Variants in CNKSR3 observed in about 807,000 individuals in gnomAD.
CNKSR3 encodes the protein connector enhancer of kinase suppressor of ras 3.
Under a neutral mutation model 67.7 loss-of-function variants are expected in CNKSR3, and 36 were observed. That is an observed-to-expected ratio of 0.53 (90% CI 0.41 to 0.70). The LOEUF (loss-of-function observed/expected upper bound fraction) is 0.70. Ranked by LOEUF, CNKSR3 falls within the 30% of genes least tolerant of loss-of-function variation. The pLI is 0.00. For synonymous variants in CNKSR3, 281 were observed against 271.4 expected (o/e 1.04, Z -0.35); for missense variants, 630 against 695.2 (o/e 0.91, Z 1.05).
intron 1 of CNKSR3, among the ~76,000 whole-genome samples, chr6:154,492,517 C>A (rs767811408): frequency 7.9e-5 from 12 of 152,020 alleles, no homozygotes; most frequent in Admixed American, 4.6e-4. Flanking sequence ...CTGAGATGGG[C>A]GGATCACTTG....
Position 154,411,091 on chromosome 6 carries a change from T to C in CNKSR3, c.1122A>G (p.Pro374=). 6.2e-7 allele frequency: 1 copy of C among 1,614,066 alleles called. No homozygotes were observed. Among genetic ancestry groups the C allele is most frequent in the South Asian group, 1.1e-5 (1 of 91,072 alleles). ...VYGGSSKCKQ[P]LPGPKGSESP... ...ACTCTGAACCCTTAGGACCAGGCAA[T>C]GGTTGTTTGCACTTACTGGACCCTC... The change falls in exon 11 of 13, where the codon CCA becomes CCG. Residue 374 remains proline, a synonymous_variant. Coordinates refer to ENST00000607772, the MANE Select transcript of CNKSR3 (RefSeq NM_173515.4).
chr6:154,418,179 C>T (rs1785060660), intron 9 of CNKSR3, among the ~76,000 whole-genome samples: 1 of 152,210 alleles, frequency 6.6e-6, no homozygotes, highest in African/African-American at 2.4e-5. Flanking sequence ...GCAGGGCCAC[C>T]AGAACCCGGA....
intron 4 of CNKSR3, among the ~76,000 whole-genome samples, chr6:154,439,097 G>T (rs1785530216): frequency 6.6e-6 from 1 of 152,154 alleles, no homozygotes; most frequent in Non-Finnish European, 1.5e-5. Flanking sequence ...TCTCAAGGAG[G>T]CGGCTCTAGG....
intron 1 of CNKSR3, among the ~76,000 whole-genome samples, chr6:154,494,967 T>A (rs1786849075): frequency 6.6e-6 from 1 of 152,250 alleles, no homozygotes; most frequent in South Asian, 2.1e-4. Context: ...ATTGACATGC[T>A]GTCCTGTAGG....
At chr6:154,482,228 T>C (rs146481374) in intron 1 of CNKSR3, among the ~76,000 whole-genome samples, 10 of 152,328 alleles carry the variant, frequency 6.6e-5, no homozygotes, top group East Asian at 1.9e-4. Context: ...CGCACTTTAA[T>C]ATAAGCCTGG....
intron 1 of CNKSR3, among the ~76,000 whole-genome samples, chr6:154,486,242 G>T (rs549089222): frequency 4.5e-4 from 68 of 151,590 alleles, no homozygotes; most frequent in African/African-American, 1.5e-3. Flanking sequence ...ATCACCCCTC[G>T]ACAGCATGAC....
At chr6:154,418,325 C>T (rs1785064345) in intron 9 of CNKSR3, among the ~76,000 whole-genome samples, 2 of 152,170 alleles carry the variant, frequency 1.3e-5, no homozygotes, top group African/African-American at 2.4e-5. Flanking sequence ...GGAGCACATA[C>T]CCTCAAAATT....
chr6:154,468,061 TTTTTTTTTTC>T (rs1418139128), intron 1 of CNKSR3, among the ~76,000 whole-genome samples: 4 of 96,866 alleles, frequency 4.1e-5, no homozygotes, highest in African/African-American at 2.0e-4. Context: ...CGCCTAGGCT[TTTTTTTTTTC>T]TTTTTTTTCT....
rs1787185047 is a variant in CNKSR3 at position 154,510,105 on chromosome 6, C to G, written c.10G>C (p.Val4Leu). 1.9e-6 allele frequency: 3 copies of G among 1,614,162 alleles called. No individual in the cohort carries two copies. Among genetic ancestry groups the G allele is most frequent in the Middle Eastern group, 1.7e-4 (1 of 6,060 alleles). The change falls in exon 1 of 13, where the codon GTG (valine) becomes CTG (leucine). Residue 4 changes from valine (V) to leucine (L), a missense_variant. By Grantham distance (32) the Val-to-Leu change is conservative. Around this residue, in one of 3 missense-constraint regions of CNKSR3, gnomAD observed 189 missense variants for 205.0 expected, o/e 0.92. Transcript: ENST00000607772. ...ACTTGTTTGGGGCTCCACTTGGTCA[C>G]GGGTTCCATGGTAAACCGCTTCGCC... is the stretch of plus-strand genomic sequence containing the variant. Reference protein sequence around the residue: MEPVTKWSPKQVVD... With the variant: MEPLTKWSPKQVVD...
In CNKSR3 at chr6:154,414,634, T is replaced by C. The variant is rs1447461787; in HGVS notation, c.946-211A>G. 9 of 637,722 alleles carry C rather than the reference T, an allele frequency of 1.4e-5. No homozygotes were observed. The East Asian group carries it at 3.1e-4, about 22-fold the overall frequency. The allele number at this position is 637,722 out of a possible 1,614,324, so 39.5% of individuals were successfully genotyped here. Reference sequence around the variant, plus strand: ...GAGGGATTTGAATGACGATGTATAGTGGCAAGAAGCAGAGGCTTAGGAGCC... The same window carrying C: ...GAGGGATTTGAATGACGATGTATAGCGGCAAGAAGCAGAGGCTTAGGAGCC... On this transcript the variant is annotated intron_variant, in intron 9 of 12. Transcript: ENST00000607772.
chr6:154,425,724 A>G (rs1584070210), intron 7 of CNKSR3, among the ~76,000 whole-genome samples: 1 of 74,328 alleles, frequency 1.3e-5, no homozygotes, highest in Non-Finnish European at 2.9e-5. Flanking sequence ...TAACCTTCAA[A>G]GAAATGGACT....
At position 154,424,241 on chromosome 6, in the gene CNKSR3, AAAAAAAAGAAAAG is replaced by A. The variant is rs1307939688; in HGVS notation, c.730-1271_730-1259del. The stretch of plus-strand genomic sequence containing the variant: ...GCGAGACTCCGTCTCAAAAAAAAAA[AAAAAAAAGAAAAG>A]AAAAAAGAAATATAAAGGGATATAA... On this transcript the variant is annotated intron_variant, in intron 7 of 12. Transcript: ENST00000607772. Among the ~76,000 whole-genome samples, 3 of 148,210 alleles carry A rather than the reference AAAAAAAAGAAAAG, an allele frequency of 2.0e-5. No individual in the cohort carries two copies. In the East Asian group the frequency reaches 5.8e-4, roughly 28 times the overall value.
At chr6:154,418,270 C>T (rs556749775) in intron 9 of CNKSR3, among the ~76,000 whole-genome samples, 2 of 152,292 alleles carry the variant, frequency 1.3e-5, no homozygotes, top group East Asian at 3.9e-4. Flanking sequence ...CTTGCTGCCT[C>T]CCCGTCATCA....
In CNKSR3 at chr6:154,392,915, G is replaced by A. The variant is rs1176939940; in HGVS notation, c.*13439C>T. ...CTCTGAGGTAGTTAGTGGTTTGTTT[G>A]TTTGTTTGTTTGTTTGGAGATGGAG... is the stretch of plus-strand genomic sequence containing the variant. On this transcript the variant is annotated 3_prime_UTR_variant, in exon 13 of 13. Coordinates refer to ENST00000607772, the MANE Select transcript of CNKSR3 (RefSeq NM_173515.4). The A allele has an allele frequency of 2.6e-5, 4 of 152,372 alleles. No homozygotes were observed. Among genetic ancestry groups the A allele is most frequent in the Non-Finnish European group, 4.4e-5 (3 of 68,278 alleles). The allele number at this position is 152,372 out of a possible 1,614,324, so 9.4% of individuals were successfully genotyped here.
chr6:154,502,623 G>A (rs1787022370), intron 1 of CNKSR3, among the ~76,000 whole-genome samples: 1 of 152,092 alleles, frequency 6.6e-6, no homozygotes, highest in African/African-American at 2.4e-5. Flanking sequence ...TCTGGACCTT[G>A]GACAATTCAT....
At chr6:154,455,658 G>T (rs551692559) in intron 1 of CNKSR3, among the ~76,000 whole-genome samples, 1 of 152,180 alleles carries the variant, frequency 6.6e-6, no homozygotes, top group Admixed American at 6.5e-5. Flanking sequence ...CTGACCTCAA[G>T]CAATCCACCT....
rs527923982 is a variant in CNKSR3, at chr6:154,459,283, G to A, written c.53-9025C>T. 3.3e-5 allele frequency among the ~76,000 whole-genome samples: 5 copies of A among 152,022 alleles called. No individual in the cohort carries two copies. The South Asian group carries it at 6.3e-4, about 19-fold the overall frequency. The stretch of plus-strand genomic sequence containing the variant: ...GGAACTGCTGCTCCCTTGGAAGCAG[G>A]GGCCCTGTGAAATCCAAACACATAA... On this transcript the variant is annotated intron_variant, in intron 1 of 12. Transcript: ENST00000607772.
chr6:154,485,850 G>A (rs1786655248), intron 1 of CNKSR3, among the ~76,000 whole-genome samples: 2 of 152,192 alleles, frequency 1.3e-5, no homozygotes, highest in South Asian at 4.1e-4. Context: ...AGTGCTTATA[G>A]GAGCAGATCT....
At chr6:154,509,445 CGCCTCCCGGAGCAAAAGTCACT>C (rs1787168506) in intron 1 of CNKSR3, among the ~76,000 whole-genome samples, 1 of 152,212 alleles carries the variant, frequency 6.6e-6, no homozygotes, top group Non-Finnish European at 1.5e-5. Flanking sequence ...GGGATACTGG[CGCCTCCCGGAGCAAAAGTCACT>C]GCCTCCCGGG....
Sources: gnomAD v4.1 joint callset for allele counts (sites outside exome capture counted in the v4.1 genomes callset) on GRCh38, gnomAD v4.1.1 for gene constraint, gnomAD v4.1.1 regional missense constraint, MANE v1.5 for transcripts, NCBI Gene and HGNC (gene_info 2026-07-23, HGNC 2026-07-21) for gene names.